ENAH: variants seen among roughly 807,000 people sequenced by gnomAD.
The protein encoded by ENAH is ENAH actin regulator.
In ENAH, 23 loss-of-function variants were observed where a neutral mutation model predicts 78.7. The ratio of observed to expected loss-of-function variants is 0.29; its 90% confidence interval spans 0.21 to 0.41. The LOEUF (loss-of-function observed/expected upper bound fraction) is 0.41, where lower values mean the gene tolerates loss of function less well. ENAH is among the 10% of genes least tolerant of loss of function. ENAH has a pLI of 1.00. For synonymous variants in ENAH, 226 were observed against 241.0 expected, an observed-to-expected ratio of 0.94 and a Z score of 0.58; for missense variants, 544 against 691.0, an observed-to-expected ratio of 0.79 and a Z score of 2.39.
At chr1:225,645,495 A>T (rs143425413) in intron 1 of ENAH, among the ~76,000 whole-genome samples, 2 of 152,322 alleles carry the variant, frequency 1.3e-5, no homozygotes, top group Admixed American at 6.5e-5. Context: ...GATACTATAG[A>T]CATTTGTGTA....
At chr1:225,596,083 A>G (rs1558878414) in intron 1 of ENAH, among the ~76,000 whole-genome samples, 1 of 152,230 alleles carries the variant, frequency 6.6e-6, no homozygotes, top group Non-Finnish European at 1.5e-5. Flanking sequence ...TAACAAAGAA[A>G]GACTCTTCTG....
At chr1:225,608,587 G>A (rs147564442) in intron 1 of ENAH, among the ~76,000 whole-genome samples, 6,466 of 151,692 alleles carry the variant, frequency 0.043, 224 homozygotes, top group South Asian at 0.1. Context: ...AGGCAGAGGC[G>A]GGCAGATTAC....
chr1:225,521,048 G>A (rs1460559407), intron 4 of ENAH, among the ~76,000 whole-genome samples: 1 of 150,640 alleles, frequency 6.6e-6, no homozygotes, highest in Non-Finnish European at 1.5e-5. Flanking sequence ...ATGGACACAC[G>A]CACGCGCGCG....
intron 1 of ENAH, among the ~76,000 whole-genome samples, chr1:225,639,744 A>ACAC (rs1558949275): frequency 4.5e-5 from 6 of 132,808 alleles, no homozygotes; most frequent in South Asian, 2.2e-4. Flanking sequence ...ACACACACAC[A>ACAC]AGAAGGATGG....
chr1:225,533,923 G>A (rs1383733472), intron 3 of ENAH, among the ~76,000 whole-genome samples: 1 of 152,058 alleles, frequency 6.6e-6, no homozygotes, highest in Non-Finnish European at 1.5e-5. Context: ...ACTTAGCAAC[G>A]TGTTAATTAT....
intron 1 of ENAH, among the ~76,000 whole-genome samples, chr1:225,599,554 C>T (rs2096919499): frequency 6.6e-6 from 1 of 152,004 alleles, no homozygotes; most frequent in Admixed American, 6.6e-5. Context: ...ACCTGTAATC[C>T]TTGCACTTTG....
chr1:225,554,060 C>G (rs1184781108), intron 3 of ENAH, among the ~76,000 whole-genome samples: 5 of 152,136 alleles, frequency 3.3e-5, no homozygotes, highest in Non-Finnish European at 7.4e-5. Context: ...TCTACACTTT[C>G]AACAAAGTAT....
intron 1 of ENAH, 86 bp downstream of exon 1, chr1:225,652,600 G>T: frequency 8.3e-7 from 1 of 1,205,852 alleles, no homozygotes; most frequent in Non-Finnish European, 1.0e-6. Context: ...CGGGCCGGGA[G>T]AGGGAAGGCG....
chr1:225,541,328 A>C (rs975081679), intron 3 of ENAH, among the ~76,000 whole-genome samples: 6 of 152,008 alleles, frequency 3.9e-5, no homozygotes, highest in African/African-American at 1.4e-4. Context: ...CCAGCTACTC[A>C]GGAGGCTGAG....
At chr1:225,568,323 G>C (rs1461850463) in intron 1 of ENAH, among the ~76,000 whole-genome samples, 1 of 152,250 alleles carries the variant, frequency 6.6e-6, no homozygotes, top group East Asian at 1.9e-4. Flanking sequence ...CTGAGGCCAG[G>C]AGTTCAAGAC....
chr1:225,642,179 T>A (rs552997671), intron 1 of ENAH, among the ~76,000 whole-genome samples: 1 of 142,254 alleles, frequency 7.0e-6, no homozygotes, highest in Non-Finnish European at 1.5e-5. Flanking sequence ...CACTCCAGCC[T>A]GGGTGAGAAA....
chr1:225,650,943 C>T (rs1007276365), intron 1 of ENAH, among the ~76,000 whole-genome samples: 1 of 141,424 alleles, frequency 7.1e-6, no homozygotes, highest in Non-Finnish European at 1.5e-5. Flanking sequence ...CAACTGATAA[C>T]TTCTGGTCTG....
At chr1:225,560,632 T>C (rs147848638) in intron 2 of ENAH, among the ~76,000 whole-genome samples, 6,560 of 152,278 alleles carry the variant, frequency 0.043, 229 homozygotes, top group South Asian at 0.11. Flanking sequence ...GCTGGGACTA[T>C]AGGCACAAGC....
intron 1 of ENAH, among the ~76,000 whole-genome samples, chr1:225,628,732 A>T (rs1658406107): frequency 6.6e-6 from 1 of 151,284 alleles, no homozygotes; most frequent in East Asian, 1.9e-4. Flanking sequence ...ACATGGAAAA[A>T]CCCCATCTCT....
intron 1 of ENAH, among the ~76,000 whole-genome samples, chr1:225,583,564 AT>A (rs2147783580): frequency 6.6e-6 from 1 of 152,162 alleles, no homozygotes; most frequent in African/African-American, 2.4e-5. Context: ...TAATCCCAGC[AT>A]TTTGGGAAGC....
In ENAH at chr1:225,487,950, A is replaced by G. The variant is rs2096206825; in HGVS notation, c.*9825T>C. 1 of 152,128 alleles carries G rather than the reference A, an allele frequency of 6.6e-6. No individual in the cohort carries two copies. Among genetic ancestry groups the G allele is most frequent in the Non-Finnish European group, 1.5e-5 (1 of 68,020 alleles). 9.4% of individuals were successfully genotyped at this position (152,128 alleles called of 1,614,324 possible). A position where few individuals can be genotyped will look rare whatever the true frequency, so the allele number is the denominator to read the frequency against. ...ATCAACTTGGTAGGCCTGAAAAAAA[A>G]AAGTATTTAACCTTCTAAATCTCAT... On this transcript the variant is annotated 3_prime_UTR_variant, in exon 14 of 14. Coordinates refer to ENST00000366843, the MANE Select transcript of ENAH (RefSeq NM_018212.6).
chr1:225,623,580 T>C (rs2148281886), intron 1 of ENAH, among the ~76,000 whole-genome samples: 1 of 126,068 alleles, frequency 7.9e-6, no homozygotes, highest in East Asian at 2.3e-4. Flanking sequence ...TAGTGTTTTT[T>C]TGTTGGGTTT....
intron 12 of ENAH, among the ~76,000 whole-genome samples, chr1:225,500,262 A>T (rs2096274239): frequency 6.6e-6 from 1 of 152,242 alleles, no homozygotes; most frequent in Non-Finnish European, 1.5e-5. Context: ...AGGTATTTTA[A>T]ATCACAATCT....
At chr1:225,615,296 C>T (rs1470576364) in intron 1 of ENAH, among the ~76,000 whole-genome samples, 3 of 152,220 alleles carry the variant, frequency 2.0e-5, no homozygotes, top group Admixed American at 6.5e-5. Flanking sequence ...CTGCCTGCCT[C>T]GGCCTCCCGA....
Sources: gnomAD v4.1 joint callset for allele counts (sites outside exome capture counted in the v4.1 genomes callset) on GRCh38, gnomAD v4.1.1 for gene constraint, MANE v1.5 for transcripts, NCBI Gene and HGNC (gene_info 2026-07-23, HGNC 2026-07-21) for gene names.